Variants in SORCS2 observed in about 807,000 individuals in gnomAD.
SORCS2 encodes VPS10 domain-containing receptor SorCS2.
A neutral mutation model predicts 141.6 loss-of-function variants in SORCS2; 100 were observed. The observed-to-expected ratio is 0.71, with a 90% CI of 0.60 to 0.83. The LOEUF is 0.83. Among genes scored for constraint, SORCS2 ranks in the 40% least tolerant of loss-of-function variants. SORCS2 has a pLI of 0.00. For synonymous variants in SORCS2, 789 were observed against 676.9 expected (o/e 1.17, Z -2.57); for missense variants, 1,646 against 1,560.2 (o/e 1.05, Z -0.93).
intron 1 of SORCS2, among the ~76,000 whole-genome samples, chr4:7,236,984 C>G (rs1054880097): frequency 7.2e-5 from 11 of 152,182 alleles, no homozygotes; most frequent in Admixed American, 1.3e-4. Flanking sequence ...CTGAGCCCAC[C>G]TGGGAAAGAC....
chr4:7,609,382 C>G (rs796952668), intron 3 of SORCS2, among the ~76,000 whole-genome samples: 5 of 152,278 alleles, frequency 3.3e-5, no homozygotes, highest in African/African-American at 1.2e-4. Context: ...AGGCACTGCC[C>G]TGTGGATCAA....
intron 11 of SORCS2, 115 bp downstream of exon 11, chr4:7,689,703 G>C: frequency 1.1e-6 from 1 of 926,116 alleles, no homozygotes; most frequent in Non-Finnish European, 1.6e-6. Context: ...TGTCCTTTAG[G>C]AGGCAGTACC....
rs375785201 is a variant in SORCS2 at position 7,484,968 on chromosome 4, C to A, written c.549-46562C>A. ...TATTTGCACCCCTGTGCGTTGCCTGCTGTCCCGGCCCTCCCCAACATGTCA... is the reference window on the plus strand; with the variant it reads ...TATTTGCACCCCTGTGCGTTGCCTGATGTCCCGGCCCTCCCCAACATGTCA... On this transcript the variant is annotated intron_variant, in intron 2 of 26. Coordinates refer to ENST00000507866, the MANE Select transcript of SORCS2 (RefSeq NM_020777.3). Among the ~76,000 whole-genome samples, 7 of 18,598 alleles carry A rather than the reference C, an allele frequency of 3.8e-4. No individual in the cohort carries two copies. In the East Asian group the frequency reaches 0.012, roughly 32 times the overall value. 12.2% of individuals were successfully genotyped at this position (18,598 alleles called of 152,430 possible). A position where few individuals can be genotyped will look rare whatever the true frequency, so the allele number is the denominator to read the frequency against.
At chr4:7,601,976 C>G (rs969459733) in intron 3 of SORCS2, among the ~76,000 whole-genome samples, 2 of 152,158 alleles carry the variant, frequency 1.3e-5, no homozygotes, top group Admixed American at 6.6e-5. Context: ...TCAGAGAGCA[C>G]GGGGTTGGGG....
At chr4:7,362,780 G>A (rs1358961798) in intron 1 of SORCS2, among the ~76,000 whole-genome samples, 1 of 150,270 alleles carries the variant, frequency 6.7e-6, no homozygotes, top group Non-Finnish European at 1.5e-5. Flanking sequence ...TTACTACCAG[G>A]ACTATTACCA....
At chr4:7,287,506 T>C (rs1236865628) in intron 1 of SORCS2, among the ~76,000 whole-genome samples, 1 of 152,222 alleles carries the variant, frequency 6.6e-6, no homozygotes, top group Non-Finnish European at 1.5e-5. Context: ...CCTTGTCTCT[T>C]TTGGCAGCAG....
At chr4:7,413,400 T>TTTTTTTTTTTTTG in intron 2 of SORCS2, among the ~76,000 whole-genome samples, 1 of 141,788 alleles carries the variant, frequency 7.1e-6, no homozygotes. Flanking sequence ...GCTTTTTTTT[T>TTTTTTTTTTTTTG]TTTTTTTTTT....
chr4:7,701,545 T>G (rs1577091873), intron 12 of SORCS2, among the ~76,000 whole-genome samples: 2 of 152,162 alleles, frequency 1.3e-5, no homozygotes, highest in Admixed American at 6.5e-5. Flanking sequence ...TTCGGGGCCC[T>G]GAGGCCGTGG....
intron 5 of SORCS2, among the ~76,000 whole-genome samples, chr4:7,659,678 A>C (rs944336062): frequency 6.6e-6 from 1 of 152,204 alleles, no homozygotes; most frequent in African/African-American, 2.4e-5. Context: ...AGTGTCCAAG[A>C]GGGCAAGCGA....
Position 7,502,773 on chromosome 4 carries a change from C to T in SORCS2, c.549-28757C>T, listed in dbSNP as rs566182160. On this transcript the variant is annotated intron_variant, in intron 2 of 26. Transcript: ENST00000507866. Reference sequence around the variant, plus strand: ...CAACATGACCTCTGTGCTCAGAGACCACTGTGCGGGGAGCAGGGAAGCCGG... The same window carrying T: ...CAACATGACCTCTGTGCTCAGAGACTACTGTGCGGGGAGCAGGGAAGCCGG... 2.8e-5 allele frequency among the ~76,000 whole-genome samples: 4 copies of T among 142,434 alleles called. No individual in the cohort carries two copies. In the South Asian group the frequency reaches 1.1e-3, roughly 40 times the overall value. The allele number at this position is 142,434 out of a possible 152,430, so 93.4% of individuals were successfully genotyped here.
At chr4:7,571,209 G>A (rs141801503) in intron 3 of SORCS2, among the ~76,000 whole-genome samples, 20 of 152,332 alleles carry the variant, frequency 1.3e-4, no homozygotes, top group African/African-American at 4.3e-4. Flanking sequence ...TGCTCTCTGC[G>A]CATCGCCCCT....
At chr4:7,506,654 C>G (rs1382911271) in intron 2 of SORCS2, among the ~76,000 whole-genome samples, 1 of 152,190 alleles carries the variant, frequency 6.6e-6, no homozygotes, top group East Asian at 1.9e-4. Flanking sequence ...AAGGGCAGGT[C>G]CTTGTCACTG....
intron 15 of SORCS2, 46 bp downstream of exon 15, chr4:7,712,899 CA>C (rs1384682628): frequency 1.1e-5 from 17 of 1,605,026 alleles, no homozygotes; most frequent in Non-Finnish European, 1.1e-5. Context: ...GTACAGACTG[CA>C]AACACAGGCC....
At position 7,740,527 on chromosome 4, in the gene SORCS2, C is replaced by A. The variant is rs1712588935; in HGVS notation, c.*263C>A. The A allele has an allele frequency of 1.9e-6, 1 of 532,502 alleles. No homozygotes were observed. Among genetic ancestry groups the A allele is most frequent in the Non-Finnish European group, 3.4e-6 (1 of 293,210 alleles). 33.0% of individuals were successfully genotyped at this position (532,502 alleles called of 1,614,324 possible). ...ACTCAGGCAGGTTCTGCCCCCCAGACCCCACACACGGCCGCCCCACGTGCT... is the reference window on the plus strand; with the variant it reads ...ACTCAGGCAGGTTCTGCCCCCCAGAACCCACACACGGCCGCCCCACGTGCT... On this transcript the variant is annotated 3_prime_UTR_variant, in exon 27 of 27. Transcript: ENST00000507866.
At chr4:7,656,756 TGCAGGGCATGGGGGTG>T (rs898747739) in intron 5 of SORCS2, among the ~76,000 whole-genome samples, 14 of 152,182 alleles carry the variant, frequency 9.2e-5, no homozygotes, top group African/African-American at 3.4e-4. Context: ...CTGGCCCTGG[TGCAGGGCATGGGGGTG>T]GCAGGGCCTC....
chr4:7,327,701 C>A (rs950177900), intron 1 of SORCS2, among the ~76,000 whole-genome samples: 1 of 152,208 alleles, frequency 6.6e-6, no homozygotes, highest in Non-Finnish European at 1.5e-5. Flanking sequence ...TTGTGCAGAC[C>A]CGTCAGACCC....
At chr4:7,275,024 GACACCTTTTAATGCAAA>G (rs1422422139) in intron 1 of SORCS2, among the ~76,000 whole-genome samples, 1 of 152,194 alleles carries the variant, frequency 6.6e-6, no homozygotes, top group Admixed American at 6.5e-5. Flanking sequence ...ACCTAAGCCT[GACACCTTTTAATGCAAA>G]CACATTGCCT....
rs549020477 is a variant in SORCS2 at position 7,434,069 on chromosome 4, C to T, written c.548+37714C>T. 55 of 1,611,102 alleles carry T rather than the reference C, an allele frequency of 3.4e-5. 1 individual carries two copies. The South Asian group carries it at 5.1e-4, about 15-fold the overall frequency. On this transcript the variant is annotated intron_variant, in intron 2 of 26. Coordinates refer to ENST00000507866, the MANE Select transcript of SORCS2 (RefSeq NM_020777.3). The stretch of plus-strand genomic sequence containing the variant: ...AACCCCAGCTCCAGGGAGGGGACCC[C>T]GTCCATGGCCACTACTTGAGTCAAA...
intron 4 of SORCS2, among the ~76,000 whole-genome samples, chr4:7,653,819 A>G (rs941949005): frequency 2.2e-4 from 33 of 152,056 alleles, no homozygotes; most frequent in Non-Finnish European, 1.5e-5. Flanking sequence ...CCTTCCTCCC[A>G]TCCTCACACA....
Sources: allele counts gnomAD v4.1 joint callset (sites outside exome capture counted in the v4.1 genomes callset), GRCh38; gene constraint gnomAD v4.1.1; transcripts MANE v1.5; gene names NCBI Gene and HGNC (gene_info 2026-07-23, HGNC 2026-07-21).